The following PTGER3 variants were observed in gnomAD, a reference collection of about 807,000 sequenced individuals.
PTGER3 encodes prostaglandin E2 receptor EP3 subtype.
Under a neutral mutation model 34.7 loss-of-function variants are expected in PTGER3, and 22 were observed. The ratio of observed to expected loss-of-function variants is 0.63; its 90% CI spans 0.45 to 0.91. The LOEUF is 0.91. Ranked by LOEUF, PTGER3 falls within the 40% of genes least tolerant of loss-of-function variation. The probability of loss-of-function intolerance (pLI) is 0.00; values close to 1 mark genes in which losing one functional copy is unlikely to be tolerated. For synonymous variants in PTGER3, 241 were observed against 230.1 expected (o/e 1.05, Z -0.43); for missense variants, 468 against 519.4 (o/e 0.90, Z 0.96).
At chr1:70,938,668 C>T (rs746369160) in intron 4 of PTGER3, among the ~76,000 whole-genome samples, 37 of 152,040 alleles carry the variant, frequency 2.4e-4, no homozygotes, top group Admixed American at 1.2e-3. Flanking sequence ...TACATGGTGG[C>T]GGCAAGAGAA....
chr1:70,938,336 T>C (rs1193074359), intron 4 of PTGER3, among the ~76,000 whole-genome samples: 3 of 152,096 alleles, frequency 2.0e-5, no homozygotes, highest in Non-Finnish European at 4.4e-5. Context: ...CAAATATAAT[T>C]TGTAAGTTAC....
chr1:70,938,096 GT>G (rs1009642373), intron 4 of PTGER3, among the ~76,000 whole-genome samples: 15 of 152,262 alleles, frequency 9.9e-5, no homozygotes, highest in Non-Finnish European at 2.1e-4. Context: ...AACAGAGTGT[GT>G]GTTTTGGTGG....
chr1:71,003,432 T>C (rs756353261), intron 2 of PTGER3, among the ~76,000 whole-genome samples: 3 of 152,208 alleles, frequency 2.0e-5, no homozygotes, highest in Admixed American at 6.5e-5. Context: ...ATTTTTTAAA[T>C]AGCTACATTA....
downstream of PTGER3, among the ~76,000 whole-genome samples, chr1:70,970,380 C>T (rs1286356919): frequency 1.3e-5 from 2 of 152,110 alleles, no homozygotes; most frequent in Admixed American, 6.5e-5. Context: ...GGATTGTGTA[C>T]AGCATCAGCT....
At chr1:70,886,169 C>A in intron 4 of PTGER3, 1 of 324,472 alleles carries the variant, frequency 3.1e-6, no homozygotes. Flanking sequence ...GGGATTAATG[C>A]CCTTTTAAGA....
chr1:70,867,972 T>C (rs1646078616), intron 4 of PTGER3, among the ~76,000 whole-genome samples: 1 of 152,160 alleles, frequency 6.6e-6, no homozygotes, highest in Non-Finnish European at 1.5e-5. Flanking sequence ...CTAAATACCA[T>C]GAGAGGCAGG....
chr1:71,033,442 C>T (rs1051697530), intron 1 of PTGER3, among the ~76,000 whole-genome samples: 1 of 152,198 alleles, frequency 6.6e-6, no homozygotes, highest in African/African-American at 2.4e-5. Context: ...TTCTGGCACA[C>T]TGCTTCATTT....
rs142669110 is a variant in PTGER3, at chr1:70,911,301, A to G, written c.*23+42462T>C. On this transcript the variant is annotated intron_variant, in intron 4 of 4. Coordinates refer to the PTGER3 transcript ENST00000370931. ...ACTTTTTTTTGTACTCAGTCATACT[A>G]ATGCATGAAATGTCTCCCCCCACAG... Among the ~76,000 whole-genome samples, 163 of 151,496 alleles carry G rather than the reference A, an allele frequency of 1.1e-3. 1 individual carries two copies. The East Asian group carries it at 0.024, about 22-fold the overall frequency.
intron 2 of PTGER3, among the ~76,000 whole-genome samples, chr1:70,980,942 A>C (rs2100721710): frequency 6.6e-6 from 1 of 152,288 alleles, no homozygotes; most frequent in Middle Eastern, 3.4e-3. Flanking sequence ...TTGCCAGTCA[A>C]GGAACAGTGA....
At chr1:70,899,312 G>GA (rs1557640174) in intron 4 of PTGER3, among the ~76,000 whole-genome samples, 1 of 152,140 alleles carries the variant, frequency 6.6e-6, no homozygotes, top group African/African-American at 2.4e-5. Flanking sequence ...GTTGGAGGGA[G>GA]AAAAAAACAC....
At chr1:70,935,215 A>G (rs1422846585) in intron 4 of PTGER3, among the ~76,000 whole-genome samples, 1 of 152,204 alleles carries the variant, frequency 6.6e-6, no homozygotes, top group Admixed American at 6.6e-5. Context: ...AGCTATTTTC[A>G]GAAAGTTCTC....
intron 4 of PTGER3, among the ~76,000 whole-genome samples, chr1:70,887,581 G>T (rs1300320722): frequency 6.6e-6 from 1 of 151,708 alleles, no homozygotes; most frequent in Non-Finnish European, 1.5e-5. Context: ...TGCAATTCTA[G>T]GTTCTAATAT....
intron 4 of PTGER3, among the ~76,000 whole-genome samples, chr1:70,924,098 A>G (rs532041575): frequency 1.1e-3 from 174 of 152,244 alleles, no homozygotes; most frequent in African/African-American, 4.0e-3. Flanking sequence ...TGGGACCTCA[A>G]AAAGAGAGGA....
chr1:70,898,564 A>T (rs1268269148), intron 4 of PTGER3, among the ~76,000 whole-genome samples: 2 of 152,184 alleles, frequency 1.3e-5, no homozygotes, highest in Admixed American at 6.5e-5. Context: ...ATGCAGAAAG[A>T]ACATAGTGTA....
rs549874246 is a variant in PTGER3, at chr1:70,979,003, C to T, written c.1078-4615G>A. On this transcript the variant is annotated intron_variant, in intron 2 of 3. Coordinates refer to ENST00000306666, the MANE Select transcript of PTGER3 (RefSeq NM_198719.2). Reference sequence around the variant, plus strand: ...ATAATAGATTTGTAGATTTAATCCACGCATAAATACCCTAGAACATACCTT... The same window carrying T: ...ATAATAGATTTGTAGATTTAATCCATGCATAAATACCCTAGAACATACCTT... 3.8e-4 allele frequency among the ~76,000 whole-genome samples: 58 copies of T among 152,102 alleles called. 1 individual carries two copies. Among genetic ancestry groups the T allele is most frequent in the African/African-American group, 2.2e-4 (9 of 41,386 alleles).
At chr1:70,874,795 A>G (rs576230307) in intron 4 of PTGER3, among the ~76,000 whole-genome samples, 2 of 152,324 alleles carry the variant, frequency 1.3e-5, no homozygotes, top group East Asian at 3.9e-4. Flanking sequence ...ACAGATTTGT[A>G]TAAGTGTTCA....
At position 71,022,897 on chromosome 1, in the gene PTGER3, C is replaced by T. The variant is rs541410835; in HGVS notation, c.898-10413G>A. ...CTAAGGCACACCCTCTGTCTAGCCCCTGGATCTTATCCATCCTGAATTTCA... is the reference window on the plus strand; with the variant it reads ...CTAAGGCACACCCTCTGTCTAGCCCTTGGATCTTATCCATCCTGAATTTCA... On this transcript the variant is annotated intron_variant, in intron 1 of 3. Coordinates refer to ENST00000306666, the MANE Select transcript of PTGER3 (RefSeq NM_198719.2). Among the ~76,000 whole-genome samples the T allele has an allele frequency of 1.4e-4, 21 of 151,924 alleles. No homozygotes were observed. The South Asian group carries it at 4.1e-3, about 30-fold the overall frequency.
chr1:71,007,416 C>G, intron 2 of PTGER3: 1 of 985,536 alleles, frequency 1.0e-6, no homozygotes, highest in Non-Finnish European at 1.2e-6. Context: ...CAATAATGGC[C>G]TGAGTGAACT....
intron 2 of PTGER3, among the ~76,000 whole-genome samples, chr1:70,987,365 T>C (rs767558677): frequency 1.3e-5 from 2 of 152,214 alleles, no homozygotes; most frequent in African/African-American, 2.4e-5. Context: ...AAGGGTCTCA[T>C]TGCAATTTTA....
Sources: gnomAD v4.1 joint callset for allele counts (sites outside exome capture counted in the v4.1 genomes callset) on GRCh38, gnomAD v4.1.1 for gene constraint, MANE v1.5 for transcripts, NCBI Gene and HGNC (gene_info 2026-07-23, HGNC 2026-07-21) for gene names.